Variants in ARHGAP8 observed in about 807,000 individuals in gnomAD.
ARHGAP8 encodes the protein Rho GTPase activating protein 8.
A neutral mutation model predicts 46.1 loss-of-function variants in ARHGAP8; 62 were observed. The ratio of observed to expected loss-of-function variants is 1.34; its 90% CI spans 1.10 to 1.66. The LOEUF (loss-of-function observed/expected upper bound fraction) is 1.66, where lower values mean the gene tolerates loss of function less well. ARHGAP8 is among the 40% of genes most tolerant of loss of function. ARHGAP8 has a pLI of 0.00. For missense variants in ARHGAP8, 923 were observed against 568.4 expected (o/e 1.62, Z -6.34); for synonymous variants, 375 against 243.1 (o/e 1.54, Z -5.05).
chr22:44,825,332 A>G, intron 6 of ARHGAP8, 151 bp from the exon 7 acceptor site: 1 of 695,684 alleles, frequency 1.4e-6, no homozygotes, highest in Non-Finnish European at 2.4e-6. Flanking sequence ...TGTGTATGTG[A>G]GTGTGTGTGT....
In ARHGAP8 at chr22:44,856,659, G is replaced by A. The variant is rs1281380638; in HGVS notation, c.878-3072G>A. ...ACTGGCCATAAAGGCAAGTTCTCAG[G>A]ACACAAAACAAGACGAAAGGAGAAT... On this transcript the variant is annotated intron_variant, in intron 10 of 11. Coordinates refer to ENST00000356099, the MANE Select transcript of ARHGAP8 (RefSeq NM_181335.3). Among the ~76,000 whole-genome samples the A allele has an allele frequency of 1.4e-5, 2 of 144,100 alleles. 1 individual carries two copies. The highest frequency in any genetic ancestry group is 5.5e-5 in the African/African-American group (2 of 36,166). The allele number at this position is 144,100 out of a possible 152,430, so 94.5% of individuals were successfully genotyped here.
chr22:44,814,886 C>T lies in ARHGAP8; in HGVS notation c.386+128C>T, dbSNP rs187011955. 4.6e-6 allele frequency: 5 copies of T among 1,083,212 alleles called. No homozygotes were observed. The East Asian group carries it at 7.8e-5, about 17-fold the overall frequency. The allele number at this position is 1,083,212 out of a possible 1,614,324, so 67.1% of individuals were successfully genotyped here. A position where few individuals can be genotyped will look rare whatever the true frequency, so the allele number is the denominator to read the frequency against. On this transcript the variant is annotated intron_variant, in intron 5 of 11. Coordinates refer to ENST00000356099, the MANE Select transcript of ARHGAP8 (RefSeq NM_181335.3). ...CCAGGGTGCCTGTGTATCTGGGGCT[C>T]CCTACCCGCCCTGGGGTCTGCGGGG...
chr22:44,835,486 T>C (rs1271766678), intron 7 of ARHGAP8, among the ~76,000 whole-genome samples: 2 of 152,078 alleles, frequency 1.3e-5, no homozygotes, highest in Non-Finnish European at 2.9e-5. Context: ...CCGGGCATGG[T>C]TGCAGGCGCC....
rs570229335 is a variant in ARHGAP8, at chr22:44,862,691, T to G, written c.*96T>G. 3.1e-5 allele frequency: 44 copies of G among 1,400,814 alleles called. No homozygotes were observed. The South Asian group carries it at 4.5e-4, about 14-fold the overall frequency. 86.8% of individuals were successfully genotyped at this position (1,400,814 alleles called of 1,614,324 possible). On this transcript the variant is annotated 3_prime_UTR_variant, in exon 12 of 12. Transcript: ENST00000356099. ...TGGCATCTGTAAAAATAACCAGCCA[T>G]TAGATGAATTCAGAACCTTCTAATG...
At chr22:44,764,788 A>G (rs896095150) in intron 1 of ARHGAP8, among the ~76,000 whole-genome samples, 6 of 152,244 alleles carry the variant, frequency 3.9e-5, no homozygotes, top group Non-Finnish European at 7.3e-5. Flanking sequence ...CCAGGCCAAC[A>G]GAATCAATAG....
Position 44,822,440 on chromosome 22 carries a change from C to A in ARHGAP8, c.456C>A (p.Asp152Glu), listed in dbSNP as rs753961460. ...AGCTCCACGAACACCTTAAATACGA[C>A]CAGCTGGTCATCCCTCCCGAAGTTT... is the stretch of plus-strand genomic sequence containing the variant. Reference protein sequence around the residue: ...LSELHEHLKYDQLVIPPEVLR... With the variant: ...LSELHEHLKYEQLVIPPEVLR... The change falls in exon 6 of 12, where the codon GAC becomes GAA. Residue 152 changes from aspartate to glutamate, a missense_variant. Coordinates refer to ENST00000356099, the MANE Select transcript of ARHGAP8 (RefSeq NM_181335.3). 1.3e-6 allele frequency: 2 copies of A among 1,565,258 alleles called. No individual in the cohort carries two copies. Among genetic ancestry groups the A allele is most frequent in the East Asian group, 4.8e-5 (2 of 41,540 alleles).
At chr22:44,820,271 G>A (rs1013618568) in intron 5 of ARHGAP8, among the ~76,000 whole-genome samples, 1 of 152,314 alleles carries the variant, frequency 6.6e-6, no homozygotes, top group Admixed American at 6.5e-5. Flanking sequence ...TCCGTGTTTG[G>A]CAGAGCCTGG....
intron 9 of ARHGAP8, 114 bp downstream of exon 9, chr22:44,848,164 G>A: frequency 7.0e-7 from 1 of 1,436,656 alleles, no homozygotes. Flanking sequence ...CCAACTCCCA[G>A]AAAACACTCA....
intron 10 of ARHGAP8, chr22:44,850,162 C>G (rs759185895): frequency 9.2e-5 from 14 of 152,182 alleles, no homozygotes; most frequent in Non-Finnish European, 1.8e-4. Flanking sequence ...CCCTCAAAGG[C>G]AAATTTACAC....
chr22:44,836,184 C>T (rs1033336327), intron 7 of ARHGAP8, among the ~76,000 whole-genome samples: 12 of 152,130 alleles, frequency 7.9e-5, no homozygotes, highest in African/African-American at 2.9e-4. Context: ...AGCTCCACCT[C>T]ATACCAAATC....
chr22:44,786,226 T>C (rs990272739), intron 1 of ARHGAP8: 16 of 603,692 alleles, frequency 2.7e-5, no homozygotes, highest in Non-Finnish European at 4.3e-5. Context: ...ATGTAGAGTG[T>C]ATAATGGGTG....
chr22:44,849,325 C>T, intron 10 of ARHGAP8: 1 of 508,510 alleles, frequency 2.0e-6, no homozygotes, highest in Non-Finnish European at 3.4e-6. Context: ...GGCCAGGAGG[C>T]AGGGTGATGG....
Position 44,862,692 on chromosome 22 carries a change from T to C in ARHGAP8, c.*97T>C. The C allele has an allele frequency of 7.1e-7, 1 of 1,407,956 alleles. No homozygotes were observed. The highest frequency in any genetic ancestry group is 9.4e-7 in the Non-Finnish European group (1 of 1,064,316). 87.2% of individuals were successfully genotyped at this position (1,407,956 alleles called of 1,614,324 possible). On this transcript the variant is annotated 3_prime_UTR_variant, in exon 12 of 12. Transcript: ENST00000356099. ...GGCATCTGTAAAAATAACCAGCCAT[T>C]AGATGAATTCAGAACCTTCTAATGA... is the stretch of plus-strand genomic sequence containing the variant.
chr22:44,833,076 T>TTTTTCTTTTCTTTTCTTTTC (rs61552450), intron 7 of ARHGAP8, among the ~76,000 whole-genome samples: 10 of 130,176 alleles, frequency 7.7e-5, no homozygotes, highest in Admixed American at 1.6e-4. Flanking sequence ...AGAACCATCT[T>TTTTTCTTTTCTTTTCTTTTC]TTTTCTTTTC....
At chr22:44,840,761 G>A (rs775825769) in intron 7 of ARHGAP8, among the ~76,000 whole-genome samples, 23 of 152,230 alleles carry the variant, frequency 1.5e-4, no homozygotes, top group Non-Finnish European at 3.1e-4. Flanking sequence ...ATGAGGATTC[G>A]GTGTAGGATG....
intron 1 of ARHGAP8, among the ~76,000 whole-genome samples, chr22:44,775,175 C>T (rs1170676495): frequency 6.6e-6 from 1 of 152,184 alleles, no homozygotes; most frequent in Non-Finnish European, 1.5e-5. Flanking sequence ...GCAAAGGTTT[C>T]CTGGGCAGCA....
intron 7 of ARHGAP8, among the ~76,000 whole-genome samples, chr22:44,836,687 C>A (rs746064177): frequency 5.3e-5 from 8 of 151,738 alleles, no homozygotes; most frequent in Non-Finnish European, 1.0e-4. Flanking sequence ...GTGCAAGCTG[C>A]AGCCATTCAT....
chr22:44,760,086 G>C (rs954022240), intron 1 of ARHGAP8, among the ~76,000 whole-genome samples: 3 of 152,226 alleles, frequency 2.0e-5, no homozygotes, highest in Non-Finnish European at 4.4e-5. Context: ...TCCTGATGCA[G>C]GTCACAGTCA....
intron 1 of ARHGAP8, among the ~76,000 whole-genome samples, chr22:44,753,049 A>T (rs2146973487): frequency 6.7e-6 from 1 of 150,084 alleles, no homozygotes; most frequent in East Asian, 2.0e-4. Flanking sequence ...CGCCTGGGGG[A>T]GGCACCTCCC....
Sources: gnomAD v4.1 joint callset for allele counts (sites outside exome capture counted in the v4.1 genomes callset) on GRCh38, gnomAD v4.1.1 for gene constraint, MANE v1.5 for transcripts, NCBI Gene and HGNC (gene_info 2026-07-23, HGNC 2026-07-21) for gene names.